The following PARD3B variants were observed in gnomAD, a reference collection of about 807,000 sequenced individuals.
PARD3B encodes the protein partitioning defective 3 homolog B.
Under a neutral mutation model 130.2 loss-of-function variants are expected in PARD3B, and 103 were observed. The ratio of observed to expected loss-of-function variants is 0.79; its 90% CI spans 0.67 to 0.93. PARD3B has a LOEUF of 0.93. PARD3B is among the 40% of genes least tolerant of loss of function. The pLI is 0.00. For missense variants in PARD3B, 1,609 were observed against 1,499.2 expected (o/e 1.07, Z -1.21); for synonymous variants, 583 against 553.2 (o/e 1.05, Z -0.76).
At chr2:205,472,539 A>C (rs1002491284) in intron 20 of PARD3B, among the ~76,000 whole-genome samples, 4 of 152,172 alleles carry the variant, frequency 2.6e-5, no homozygotes, top group Admixed American at 1.3e-4. Context: ...ATCATTAAAG[A>C]GGGGCTGAAA....
chr2:205,514,833 C>CT (rs5837976), intron 21 of PARD3B, among the ~76,000 whole-genome samples: 7,938 of 136,016 alleles, frequency 0.058, 370 homozygotes, highest in South Asian at 0.13. Context: ...TCTTACAGTT[C>CT]TTTTTTTTTT....
At position 205,440,746 on chromosome 2, in the gene PARD3B, TAA is replaced by T. The variant is rs932068200; in HGVS notation, c.3044+79_3044+80del. The T allele has an allele frequency of 2.1e-6, 3 of 1,428,744 alleles. No homozygotes were observed. In the East Asian group the frequency reaches 7.0e-5, roughly 33 times the overall value. 88.5% of individuals were successfully genotyped at this position (1,428,744 alleles called of 1,614,324 possible). ...AAATCATCTCTACTGCTGAAACCGA[TAA>T]AAAATGTCTCCTTCAATCAATTAAA... On this transcript the variant is annotated intron_variant, in intron 20 of 22. Coordinates refer to ENST00000406610, the MANE Select transcript of PARD3B (RefSeq NM_001302769.2). This position sits in a 1 kb window ranked among gnomAD's most constrained non-coding sequence, Gnocchi z 4.2.
chr2:205,304,790 C>T (rs1032393217), intron 18 of PARD3B, among the ~76,000 whole-genome samples: 1 of 151,674 alleles, frequency 6.6e-6, no homozygotes, highest in African/African-American at 2.4e-5. Context: ...AGGAAAAAAA[C>T]ACAAATTAGC....
intron 1 of PARD3B, among the ~76,000 whole-genome samples, chr2:204,553,640 T>G (rs371529795): frequency 1.4e-4 from 11 of 77,712 alleles, no homozygotes; most frequent in East Asian, 3.2e-4. Context: ...GGATATATAT[T>G]TATATATATC....
At chr2:205,077,435 T>A (rs755262455) in intron 4 of PARD3B, among the ~76,000 whole-genome samples, 19 of 152,282 alleles carry the variant, frequency 1.2e-4, no homozygotes, top group Non-Finnish European at 2.5e-4. Flanking sequence ...AAAAGATAAG[T>A]AACAATTCAG....
intron 6 of PARD3B, 134 bp downstream of exon 6, chr2:205,113,711 G>A: frequency 3.5e-6 from 2 of 566,090 alleles, no homozygotes; most frequent in South Asian, 3.1e-5. Flanking sequence ...ACATACTTCT[G>A]TTGGCCACTT....
At chr2:204,914,889 T>A (rs936207487) in intron 2 of PARD3B, among the ~76,000 whole-genome samples, 1 of 152,150 alleles carries the variant, frequency 6.6e-6, no homozygotes, top group Non-Finnish European at 1.5e-5. Context: ...GCTGCCCAGA[T>A]GCTCGTGGCC....
intron 18 of PARD3B, among the ~76,000 whole-genome samples, chr2:205,308,306 G>A (rs899907642): frequency 5.9e-5 from 9 of 151,972 alleles, no homozygotes; most frequent in Admixed American, 4.6e-4. Flanking sequence ...ATTGTGGTGA[G>A]ATTAAAACAA....
intron 18 of PARD3B, among the ~76,000 whole-genome samples, chr2:205,330,083 G>A (rs2043067134): frequency 6.6e-6 from 1 of 151,886 alleles, no homozygotes; most frequent in Non-Finnish European, 1.5e-5. Flanking sequence ...GCTCACGACT[G>A]TAATCCCAGC....
intron 2 of PARD3B, among the ~76,000 whole-genome samples, chr2:204,825,107 C>T (rs1406489976): frequency 6.6e-6 from 1 of 152,156 alleles, no homozygotes; most frequent in Non-Finnish European, 1.5e-5. Flanking sequence ...CCTGACTGTT[C>T]TGAGCTGATT....
intron 6 of PARD3B, among the ~76,000 whole-genome samples, chr2:205,115,213 T>C (rs773087314): frequency 3.3e-5 from 5 of 152,140 alleles, no homozygotes; most frequent in Non-Finnish European, 5.9e-5. Flanking sequence ...CTAAGCTTTA[T>C]TGATTTCCTC....
At chr2:205,361,213 G>C (rs2044376625) in intron 18 of PARD3B, among the ~76,000 whole-genome samples, 1 of 152,166 alleles carries the variant, frequency 6.6e-6, no homozygotes, top group South Asian at 2.1e-4. Context: ...CTTGGTTTTT[G>C]TATCTGCACA....
At chr2:204,850,873 A>C (rs1334697843) in intron 2 of PARD3B, among the ~76,000 whole-genome samples, 1 of 152,152 alleles carries the variant, frequency 6.6e-6, no homozygotes, top group Non-Finnish European at 1.5e-5. Flanking sequence ...TGGTAGCTTG[A>C]TCATTATGAC....
At chr2:204,807,570 A>G (rs1009143025) in intron 2 of PARD3B, among the ~76,000 whole-genome samples, 7 of 152,180 alleles carry the variant, frequency 4.6e-5, no homozygotes, top group African/African-American at 1.7e-4. Context: ...AGTATTAACA[A>G]TAGCCAAGAT....
Position 205,516,633 on chromosome 2 carries a change from C to T in PARD3B, c.3180+16602C>T, listed in dbSNP as rs193047224. On this transcript the variant is annotated intron_variant, in intron 21 of 22. Transcript: ENST00000406610. ...TGTACCCTGATTTTGTATCCTGAAA[C>T]TTTGCTGCAGTTTATCAGCTGAAGG... Among the ~76,000 whole-genome samples the T allele has an allele frequency of 1.4e-4, 22 of 152,200 alleles. No homozygotes were observed. The East Asian group carries it at 4.1e-3, about 28-fold the overall frequency.
chr2:205,387,000 C>T (rs868449588), intron 18 of PARD3B, among the ~76,000 whole-genome samples: 8 of 152,074 alleles, frequency 5.3e-5, no homozygotes, highest in African/African-American at 9.7e-5. Context: ...AACAATATTT[C>T]GAAAGTATTT....
At chr2:204,856,134 A>C (rs1158524593) in intron 2 of PARD3B, among the ~76,000 whole-genome samples, 1 of 152,170 alleles carries the variant, frequency 6.6e-6, no homozygotes, top group Non-Finnish European at 1.5e-5. Flanking sequence ...TGTTTCCCAA[A>C]ATGGTTGTAC....
At chr2:204,692,768 T>C (rs997299669) in intron 2 of PARD3B, among the ~76,000 whole-genome samples, 3 of 152,054 alleles carry the variant, frequency 2.0e-5, no homozygotes, top group Non-Finnish European at 2.9e-5. Flanking sequence ...TGAATTACCT[T>C]GGTCATGAAA....
At chr2:204,602,790 G>C (rs555306495) in intron 1 of PARD3B, among the ~76,000 whole-genome samples, 10 of 152,150 alleles carry the variant, frequency 6.6e-5, no homozygotes, top group African/African-American at 2.2e-4. Context: ...GCCAGTTGTT[G>C]ATACTCTAAG....
Sources: allele counts gnomAD v4.1 joint callset (sites outside exome capture counted in the v4.1 genomes callset), GRCh38; gene constraint gnomAD v4.1.1; non-coding constraint Gnocchi (gnomAD v3.1); transcripts MANE v1.5; gene names NCBI Gene and HGNC (gene_info 2026-07-23, HGNC 2026-07-21).